The following LEF1 variants were observed in gnomAD, a reference collection of about 807,000 sequenced individuals.
The protein encoded by LEF1 is lymphoid enhancer-binding factor 1.
In LEF1, 14 loss-of-function variants were observed where a neutral mutation model predicts 51.2. The observed-to-expected ratio is 0.27, with a 90% confidence interval of 0.18 to 0.43. LEF1 has a LOEUF of 0.43. LEF1 is among the 20% of genes least tolerant of loss of function. The pLI, the probability that LEF1 is intolerant of heterozygous loss-of-function variation, is 1.00. For synonymous variants in LEF1, 185 were observed against 183.2 expected, an observed-to-expected ratio of 1.01 and a Z score of -0.08; for missense variants, 386 against 512.0, an observed-to-expected ratio of 0.75 and a Z score of 2.37.
chr4:108,081,797 G>C, intron 5 of LEF1, 128 bp from the exon 6 acceptor site: 2 of 672,672 alleles, frequency 3.0e-6, no homozygotes. Context: ...CAGACCCCGG[G>C]ATTGTTTCAG....
chr4:108,055,869 T>C (rs1737273784), intron 11 of LEF1, among the ~76,000 whole-genome samples: 1 of 152,190 alleles, frequency 6.6e-6, no homozygotes, highest in Admixed American at 6.5e-5. Flanking sequence ...TACTGCCCAT[T>C]CTTAAAAGCT....
chr4:108,119,344 A>C (rs1480698099), intron 3 of LEF1, among the ~76,000 whole-genome samples: 1 of 151,872 alleles, frequency 6.6e-6, no homozygotes, highest in African/African-American at 2.4e-5. Context: ...GCACACACTG[A>C]GGTTTTGTTT....
At chr4:108,072,780 A>G (rs1208576552) in intron 8 of LEF1, 6 of 152,196 alleles carry the variant, frequency 3.9e-5, no homozygotes, top group African/African-American at 1.4e-4. Context: ...TTAAATTGGG[A>G]TGGAAAAGTC....
intron 3 of LEF1, among the ~76,000 whole-genome samples, chr4:108,120,680 T>A (rs189304936): frequency 2.6e-5 from 4 of 152,322 alleles, no homozygotes; most frequent in Admixed American, 2.6e-4. Context: ...CAAACACTGA[T>A]CATCTGAAAA....
At chr4:108,140,408 T>G (rs1264945111) in intron 3 of LEF1, among the ~76,000 whole-genome samples, 1 of 152,198 alleles carries the variant, frequency 6.6e-6, no homozygotes, top group Non-Finnish European at 1.5e-5. Flanking sequence ...TCTATCTACT[T>G]TAGCATAACT....
chr4:108,070,876 G>C, intron 8 of LEF1, 106 bp from the exon 9 acceptor site: 1 of 787,490 alleles, frequency 1.3e-6, no homozygotes, highest in Non-Finnish European at 2.0e-6. Context: ...TTTAAACTTT[G>C]ATTTATTTTT....
intron 3 of LEF1, among the ~76,000 whole-genome samples, chr4:108,149,893 C>T (rs1670500707): frequency 6.7e-6 from 1 of 149,188 alleles, no homozygotes; most frequent in East Asian, 2.0e-4. Flanking sequence ...AATATAGGTA[C>T]TTTTTATTTA....
At chr4:108,082,206 AC>A (rs1296540419) in intron 5 of LEF1, among the ~76,000 whole-genome samples, 1 of 152,122 alleles carries the variant, frequency 6.6e-6, no homozygotes, top group Non-Finnish European at 1.5e-5. Flanking sequence ...TTTTCTCTCC[AC>A]CCTGAGAAGT....
chr4:108,099,568 GTGTA>G (rs1462466546), intron 3 of LEF1, among the ~76,000 whole-genome samples: 8 of 48,154 alleles, frequency 1.7e-4, no homozygotes, highest in African/African-American at 2.9e-4. Context: ...GTGTGTGTGT[GTGTA>G]TATATATATA....
chr4:108,108,148 C>T (rs1741291529), intron 3 of LEF1, among the ~76,000 whole-genome samples: 1 of 152,210 alleles, frequency 6.6e-6, no homozygotes, highest in Admixed American at 6.5e-5. Context: ...TGTATAGTTA[C>T]AAAGGACCTC....
chr4:108,067,318 AAGAG>A (rs1286771979), intron 9 of LEF1, among the ~76,000 whole-genome samples: 2 of 152,244 alleles, frequency 1.3e-5, no homozygotes, highest in African/African-American at 4.8e-5. Flanking sequence ...CAGATAGAGA[AAGAG>A]ATAGAATATG....
chr4:108,166,267 C>T, intron 1 of LEF1: 1 of 1,536,058 alleles, frequency 6.5e-7, no homozygotes, highest in South Asian at 1.2e-5. Flanking sequence ...AAAATTCGTA[C>T]TCACCTCTGC....
intron 3 of LEF1, among the ~76,000 whole-genome samples, chr4:108,114,961 C>T (rs1326349975): frequency 1.3e-5 from 2 of 152,166 alleles, no homozygotes; most frequent in Non-Finnish European, 2.9e-5. Context: ...CTAAAAGGAA[C>T]GGAATGGGAT....
intron 8 of LEF1, among the ~76,000 whole-genome samples, chr4:108,077,315 C>T (rs1414926743): frequency 1.3e-5 from 2 of 152,016 alleles, no homozygotes; most frequent in Non-Finnish European, 2.9e-5. Context: ...GTGAGGAACC[C>T]TTCTGCCCGG....
At chr4:108,138,715 G>T (rs978149376) in intron 3 of LEF1, among the ~76,000 whole-genome samples, 2 of 152,224 alleles carry the variant, frequency 1.3e-5, no homozygotes, top group African/African-American at 2.4e-5. Context: ...TCCTCCAAAC[G>T]CCTTGAAGTT....
intron 4 of LEF1, among the ~76,000 whole-genome samples, 186 bp from the exon 5 acceptor site, chr4:108,083,632 C>A (rs1739458041): frequency 6.6e-6 from 1 of 152,198 alleles, no homozygotes; most frequent in Non-Finnish European, 1.5e-5. Flanking sequence ...AAAACTGGGC[C>A]TTCAGAGAGT....
rs998821805 is a variant in LEF1 at position 108,165,141 on chromosome 4, G to A, written c.236C>T (p.Ser79Phe). ...GGCCTTGTCGTGGTAGGGCTCCTGA[G>A]AGGTTTGTGCTTGTCTGGCCACCTA... Reference protein sequence around the residue: ...GHEVARQAQTSQEPYHDKARE... With the variant: ...GHEVARQAQTFQEPYHDKARE... The change falls in exon 2 of 12, where the codon TCT becomes TTT. Residue 79 changes from serine to phenylalanine, a missense_variant. Ser to Phe is a radical substitution (Grantham distance 155, BLOSUM62 -2). Transcript: ENST00000265165. 3 of 1,614,136 alleles carry A rather than the reference G, an allele frequency of 1.9e-6. No homozygotes were observed. The highest frequency in any genetic ancestry group is 2.5e-6 in the Non-Finnish European group (3 of 1,180,020).
intron 3 of LEF1, among the ~76,000 whole-genome samples, chr4:108,139,500 C>T (rs1015135844): frequency 4.6e-5 from 7 of 152,186 alleles, no homozygotes; most frequent in African/African-American, 9.7e-5. Context: ...CAGCACAGAT[C>T]ACAGGGCAAG....
chr4:108,166,639 T>A, intron 1 of LEF1: 1 of 1,046,012 alleles, frequency 9.6e-7, no homozygotes, highest in Non-Finnish European at 1.2e-6. Context: ...CGTGTCTCTA[T>A]TTACTCTACT....
Sources: allele counts gnomAD v4.1 joint callset (sites outside exome capture counted in the v4.1 genomes callset), GRCh38; gene constraint gnomAD v4.1.1; transcripts MANE v1.5; gene names NCBI Gene and HGNC (gene_info 2026-07-23, HGNC 2026-07-21).